The following DNASE2 variants were observed in gnomAD, a reference collection of about 807,000 sequenced individuals.
The protein encoded by DNASE2 is deoxyribonuclease-2-alpha.
DNASE2 carries 26 observed loss-of-function variants against 29.8 expected under a neutral mutation model. That is an observed-to-expected ratio of 0.87 (90% CI 0.64 to 1.21). The LOEUF (loss-of-function observed/expected upper bound fraction) is 1.21, where lower values mean the gene tolerates loss of function less well. Ranked by LOEUF, DNASE2 falls within the 50% of genes most tolerant of loss-of-function variation. The probability of loss-of-function intolerance (pLI) is 0.00; values close to 1 mark genes in which losing one functional copy is unlikely to be tolerated. For missense variants in DNASE2, 415 were observed against 455.6 expected, an observed-to-expected ratio of 0.91 and a Z score of 0.81; for synonymous variants, 186 against 193.5, an observed-to-expected ratio of 0.96 and a Z score of 0.32.
intron 3 of DNASE2, among the ~76,000 whole-genome samples, chr19:12,880,133 G>A (rs548716947): frequency 4.7e-5 from 7 of 150,408 alleles, no homozygotes; most frequent in South Asian, 4.2e-4. Flanking sequence ...AAAGCCAGGC[G>A]TGGTGGGGGG....
chr19:12,878,620 G>C, intron 4 of DNASE2, 41 bp from the exon 5 acceptor site: 3 of 1,613,974 alleles, frequency 1.9e-6, no homozygotes, highest in Non-Finnish European at 2.5e-6. Context: ...ATCGTTCCAG[G>C]TTCTGGTCAG....
rs772391381 is a variant in DNASE2, at chr19:12,876,159, G to A, written c.914C>T (p.Pro305Leu). 3.1e-6 allele frequency: 5 copies of A among 1,614,064 alleles called. No individual in the cohort carries two copies. Among genetic ancestry groups the A allele is most frequent in the African/African-American group, 2.7e-5 (2 of 74,930 alleles). The change falls in exon 6 of 6, where the codon CCC (proline) becomes CTC (leucine). Residue 305 changes from proline (P) to leucine (L), a missense_variant. By Grantham distance (98) the Pro-to-Leu change is moderately conservative. Coordinates refer to ENST00000222219, the MANE Select transcript of DNASE2 (RefSeq NM_001375.3). The stretch of plus-strand genomic sequence containing the variant: ...ATTCATGTCACCCACGCAGGTCCAG[G>A]GCCCTTTTGGGGACACGCACCATTT... ...HSKWCVSPKG[P>L]WTCVGDMNRN...
At position 12,878,509 on chromosome 19, in the gene DNASE2, G is replaced by A; in HGVS notation, c.582C>T (p.Phe194=). 1 of 1,614,128 alleles carries A rather than the reference G, an allele frequency of 6.2e-7. No individual in the cohort carries two copies. The highest frequency in any genetic ancestry group is 8.5e-7 in the Non-Finnish European group (1 of 1,180,038). ...YQLEGIFAQE[F]PDLENVVKGH... is the part of the protein sequence containing the mutation. ...CCTTGACCACATTCTCCAAGTCGGG[G>A]AATTCCTGGGCAAAGATCCCTTCCA... The change falls in exon 5 of 6, where the codon TTC becomes TTT. Residue 194 remains phenylalanine (F), a synonymous_variant. Coordinates refer to ENST00000222219, the MANE Select transcript of DNASE2 (RefSeq NM_001375.3).
Position 12,875,585 on chromosome 19 carries a change from G to C in DNASE2, c.*405C>G, listed in dbSNP as rs1347499267. ...TTTTAAATATTTTTAATGGATATGG[G>C]GTTTCACCATGTTGGCCAGGCTGGT... On this transcript the variant is annotated 3_prime_UTR_variant, in exon 6 of 6. Coordinates refer to ENST00000222219, the MANE Select transcript of DNASE2 (RefSeq NM_001375.3). The C allele has an allele frequency of 5.1e-6, 1 of 197,184 alleles. No individual in the cohort carries two copies. The highest frequency in any genetic ancestry group is 1.1e-5 in the Non-Finnish European group (1 of 94,292). The allele number at this position is 197,184 out of a possible 1,614,324, so 12.2% of individuals were successfully genotyped here.
chr19:12,877,972 G>A (rs886722631), intron 5 of DNASE2: 18 of 313,502 alleles, frequency 5.7e-5, no homozygotes, highest in Admixed American at 3.1e-4. Context: ...AGCCTCCCAA[G>A]TTGCTTGGCT....
At chr19:12,880,244 T>G (rs1344597815) in intron 3 of DNASE2, among the ~76,000 whole-genome samples, 5 of 151,056 alleles carry the variant, frequency 3.3e-5, no homozygotes, top group African/African-American at 1.2e-4. Flanking sequence ...CCAGCCTAGG[T>G]GACTGGGTGA....
chr19:12,880,879 A>T lies in DNASE2; in HGVS notation c.269T>A (p.Leu90His), dbSNP rs765157556. The T allele has an allele frequency of 3.1e-6, 5 of 1,614,000 alleles. No individual in the cohort carries two copies. In the Admixed American group the frequency reaches 6.7e-5, roughly 22 times the overall value. The stretch of plus-strand genomic sequence containing the variant: ...TTGGTCATTGTAGAGCAGGAAGGCG[A>T]GCTGCGGGCGGATAAACGGAGGCAA... ...QPLYRSNTSQ[L>H]AFLLYNDQPP... is the part of the protein sequence containing the mutation. Residue 90 changes from leucine (L) to histidine (H), a missense_variant and splice_region_variant, in exon 3 of 6, where the codon CTC becomes CAC. Leu to His is a moderately conservative substitution (Grantham distance 99). Coordinates refer to ENST00000222219, the MANE Select transcript of DNASE2 (RefSeq NM_001375.3).
intron 5 of DNASE2, among the ~76,000 whole-genome samples, chr19:12,876,717 G>C (rs1464706377): frequency 6.6e-6 from 1 of 151,846 alleles, no homozygotes; most frequent in Non-Finnish European, 1.5e-5. Context: ...CTTCCAAAAT[G>C]CTGGGACTAC....
intron 3 of DNASE2, 100 bp from the exon 4 acceptor site, chr19:12,878,934 G>A (rs1970348556): frequency 6.9e-7 from 1 of 1,442,474 alleles, no homozygotes; most frequent in Admixed American, 2.0e-5. Flanking sequence ...CCTGAGGTCA[G>A]GAGTTAGAAA....
At chr19:12,876,439 C>T (rs1256012924) in intron 5 of DNASE2, 76 bp from the exon 6 acceptor site, 2 of 1,504,480 alleles carry the variant, frequency 1.3e-6, no homozygotes, top group East Asian at 2.4e-5. Flanking sequence ...TCCCCTCTCT[C>T]AGCTCAGTTT....
Position 12,876,115 on chromosome 19 carries a change from G to A in DNASE2, c.958C>T (p.Gln320Ter). 1 of 1,614,046 alleles carries A rather than the reference G, an allele frequency of 6.2e-7. No individual in the cohort carries two copies. The highest frequency in any genetic ancestry group is 2.2e-5 in the East Asian group (1 of 44,870). ...GCACACAGTGTGCCCCCACCCCGTT[G>A]CTCCTCTCCCTGGTTCCGATTCATG... The part of the protein sequence containing the change: ...GDMNRNQGEE[Q>*]RGGGTLCAQL... Residue 320 changes from glutamine (Q) to a stop codon, truncating the protein, a stop_gained, in exon 6 of 6, where the codon CAA becomes TAA. Transcript: ENST00000222219. LOFTEE classifies it low-confidence loss of function (END_TRUNC).
At chr19:12,878,038 T>G (rs1295106068) in intron 5 of DNASE2, 2 of 363,214 alleles carry the variant, frequency 5.5e-6, no homozygotes, top group African/African-American at 4.2e-5. Context: ...TTGTCTTGGA[T>G]GCCTGTCTTC....
chr19:12,877,403 C>T (rs983213146), intron 5 of DNASE2, among the ~76,000 whole-genome samples: 3 of 151,256 alleles, frequency 2.0e-5, no homozygotes, highest in East Asian at 1.9e-4. Context: ...CTATGCCCCA[C>T]TAATTAAAAT....
At position 12,876,039 on chromosome 19, in the gene DNASE2, T is replaced by G. The variant is rs1249295228; in HGVS notation, c.1034A>C (p.Gln345Pro). Residue 345 changes from glutamine (Q) to proline (P), a missense_variant, in exon 6 of 6, where the codon CAG becomes CCG. Transcript: ENST00000222219. ...CTTCCTGGCCATGCCATTACAGGGC[T>G]GGTAGTTCTTCACCAGCGGCTGGAA... ...KAFQPLVKNY[Q>P]PCNGMARKPS... 1 of 1,613,872 alleles carries G rather than the reference T, an allele frequency of 6.2e-7. No homozygotes were observed. The highest frequency in any genetic ancestry group is 1.3e-5 in the African/African-American group (1 of 74,946).
Position 12,875,291 on chromosome 19 carries a change from TCA to T in DNASE2, c.*697_*698del, listed in dbSNP as rs1970305681. On this transcript the variant is annotated 3_prime_UTR_variant, in exon 6 of 6. Transcript: ENST00000222219. ...CCATTTTGCAGACAGGTAGACTGTG[TCA>T]CAGAGCGGTTAAGGCACACAATCAA... 1.3e-5 allele frequency: 3 copies of T among 223,970 alleles called. No homozygotes were observed. The South Asian group carries it at 2.2e-4, about 16-fold the overall frequency. The allele number at this position is 223,970 out of a possible 1,614,324, so 13.9% of individuals were successfully genotyped here. A position where few individuals can be genotyped will look rare whatever the true frequency, so the allele number is the denominator to read the frequency against.
intron 3 of DNASE2, among the ~76,000 whole-genome samples, chr19:12,880,542 G>T (rs935905462): frequency 1.3e-5 from 2 of 151,646 alleles, no homozygotes; most frequent in African/African-American, 4.8e-5. Context: ...TTTAATACCA[G>T]CTACTTGGGA....
At position 12,878,402 on chromosome 19, in the gene DNASE2, T is replaced by G; in HGVS notation, c.689A>C (p.Lys230Thr). 6.2e-7 allele frequency: 1 copy of G among 1,612,822 alleles called. No individual in the cohort carries two copies. Among genetic ancestry groups the G allele is most frequent in the Non-Finnish European group, 8.5e-7 (1 of 1,180,026 alleles). Residue 230 changes from lysine to threonine, a missense_variant, in exon 5 of 6, where the codon AAG (lysine) becomes ACG (threonine). Coordinates refer to ENST00000222219, the MANE Select transcript of DNASE2 (RefSeq NM_001375.3). ...CTCACCATCTCCAAATTTGCTGAAC[T>G]TGGCAAAGCTCTGGAAAACAGCCCC... is the stretch of plus-strand genomic sequence containing the variant. The part of the protein sequence containing the change: ...QAGAVFQSFA[K>T]FSKFGDDLYS...
chr19:12,876,072 C>T lies in DNASE2; in HGVS notation c.1001G>A (p.Trp334Ter). ...GTLCAQLPAL[W>*]KAFQPLVKNY... ...CTTCACCAGCGGCTGGAAGGCTTTCCAGAGGGCTGGCAGCTGGGCACACAG... is the reference window on the plus strand; with the variant it reads ...CTTCACCAGCGGCTGGAAGGCTTTCTAGAGGGCTGGCAGCTGGGCACACAG... The change falls in exon 6 of 6, where the codon TGG (tryptophan) becomes TAG (stop). Residue 334 changes from tryptophan to a stop codon, truncating the protein, a stop_gained. Coordinates refer to ENST00000222219, the MANE Select transcript of DNASE2 (RefSeq NM_001375.3). LOFTEE classifies it low-confidence loss of function (END_TRUNC). 6.2e-7 allele frequency: 1 copy of T among 1,614,118 alleles called. No homozygotes were observed. The highest frequency in any genetic ancestry group is 8.5e-7 in the Non-Finnish European group (1 of 1,180,026).
chr19:12,877,537 GTATT>G (rs929422303), intron 5 of DNASE2, among the ~76,000 whole-genome samples: 5 of 150,250 alleles, frequency 3.3e-5, no homozygotes, highest in Non-Finnish European at 7.4e-5. Context: ...CTATTTATTT[GTATT>G]TATTTATTTA....
Sources: gnomAD v4.1 joint callset for allele counts (sites outside exome capture counted in the v4.1 genomes callset) on GRCh38, gnomAD v4.1.1 for gene constraint, MANE v1.5 for transcripts, NCBI Gene and HGNC (gene_info 2026-07-23, HGNC 2026-07-21) for gene names.